NDUFAF6: variants seen among roughly 807,000 people sequenced by gnomAD.
NDUFAF6 encodes NADH:ubiquinone oxidoreductase complex assembly factor 6, also known as NADH dehydrogenase (ubiquinone) complex I, assembly factor 6.
NDUFAF6 carries 45 observed loss-of-function variants against 40.8 expected under a neutral mutation model. The observed-to-expected ratio is 1.10, with a 90% CI of 0.87 to 1.42. The LOEUF (loss-of-function observed/expected upper bound fraction) is 1.42. Ranked by LOEUF, NDUFAF6 falls within the 40% of genes most tolerant of loss-of-function variation. The pLI, the probability that NDUFAF6 is intolerant of heterozygous loss-of-function variation, is 0.00. For synonymous variants in NDUFAF6, 185 were observed against 155.9 expected (o/e 1.19, Z -1.39); for missense variants, 435 against 418.5 (o/e 1.04, Z -0.34).
At chr8:94,961,863 C>G (rs1823603784) in intron 1 of NDUFAF6, among the ~76,000 whole-genome samples, 1 of 152,184 alleles carries the variant, frequency 6.6e-6, no homozygotes, top group African/African-American at 2.4e-5. Flanking sequence ...TCATATTTTG[C>G]TATGATTCTC....
At chr8:95,109,852 A>T (rs1809947741) in intron 4 of NDUFAF6, among the ~76,000 whole-genome samples, 1 of 152,224 alleles carries the variant, frequency 6.6e-6, no homozygotes. Flanking sequence ...GAGATCATGC[A>T]GGTGAGTCTG....
intron 9 of NDUFAF6, chr8:95,075,521 C>G (rs1408909034): frequency 3.9e-6 from 3 of 775,554 alleles, no homozygotes; most frequent in South Asian, 1.5e-5. Context: ...CTTTTTGGAG[C>G]TGGGATTTTA....
intron 1 of NDUFAF6, among the ~76,000 whole-genome samples, chr8:94,923,681 C>CT (rs34801186): frequency 0.014 from 1,935 of 139,874 alleles, 18 homozygotes; most frequent in Middle Eastern, 0.026. Context: ...CTGAATTTTA[C>CT]TTTTTTTTTT....
At chr8:94,956,362 C>G (rs988030723), upstream of NDUFAF6, among the ~76,000 whole-genome samples, 2 of 152,140 alleles carry the variant, frequency 1.3e-5, no homozygotes, top group South Asian at 2.1e-4. Context: ...AAGGGGCAAG[C>G]AAGCTCTGTG....
chr8:95,048,525 C>T lies in NDUFAF6; in HGVS notation c.783C>T (p.Asp261=), dbSNP rs1199329217. 5.0e-6 allele frequency: 8 copies of T among 1,614,122 alleles called. No homozygotes were observed. The highest frequency in any genetic ancestry group is 6.8e-6 in the Non-Finnish European group (8 of 1,179,982). The change falls in exon 7 of 9, where the codon GAC becomes GAT. Residue 261 remains aspartate (D), a synonymous_variant. Coordinates refer to ENST00000396124, the MANE Select transcript of NDUFAF6 (RefSeq NM_152416.4). ...QDKNVRDVIY[D]IASQAHLHLK... ...AAAATGTGAGAGATGTAATATATGA[C>T]ATTGCCAGTCAAGCACACTTGCACC... is the stretch of plus-strand genomic sequence containing the variant.
chr8:94,927,097 A>C (rs1221990664), intron 1 of NDUFAF6: 2 of 152,614 alleles, frequency 1.3e-5, no homozygotes, highest in East Asian at 3.8e-4. Flanking sequence ...GACTCAAAAA[A>C]TGAAAACTAA....
Position 94,905,205 on chromosome 8 carries a change from A to C in NDUFAF6, c.-936+9278A>C, listed in dbSNP as rs146834042. 4.8e-3 allele frequency among the ~76,000 whole-genome samples: 724 copies of C among 152,134 alleles called. 2 individuals are homozygous for C. The highest frequency in any genetic ancestry group is 0.016 in the African/African-American group (664 of 41,498). On this transcript the variant is annotated intron_variant, in intron 1 of 14. Transcript: ENST00000396113. Reference sequence around the variant, plus strand: ...GGGGAGACTATGTCTCAAGAAAAAAAAATTTTTTTCTTCTTCTTTGTGGCA... The same window carrying C: ...GGGGAGACTATGTCTCAAGAAAAAACAATTTTTTTCTTCTTCTTTGTGGCA...
intron 2 of NDUFAF6, among the ~76,000 whole-genome samples, chr8:95,084,672 A>G (rs1266733402): frequency 6.6e-6 from 1 of 152,188 alleles, no homozygotes; most frequent in Non-Finnish European, 1.5e-5. Context: ...AGGTAATTGG[A>G]CTCAAACATG....
At chr8:95,004,349 CTT>C (rs11422482) in intron 2 of NDUFAF6, among the ~76,000 whole-genome samples, 4 of 92,438 alleles carry the variant, frequency 4.3e-5, no homozygotes, top group Non-Finnish European at 5.8e-5. Flanking sequence ...CTCACCATTA[CTT>C]TTTTTTTTTT....
At chr8:95,071,403 G>GA (rs10583999) in intron 9 of NDUFAF6, among the ~76,000 whole-genome samples, 16,910 of 105,458 alleles carry the variant, frequency 0.16, 1,595 homozygotes, top group Middle Eastern at 0.27. Context: ...GTCTCCAAAA[G>GA]AAAAAAAAAA....
intron 7 of NDUFAF6, among the ~76,000 whole-genome samples, 189 bp downstream of exon 7, chr8:95,048,747 C>T (rs567369767): frequency 5.3e-5 from 8 of 152,302 alleles, no homozygotes; most frequent in African/African-American, 1.7e-4. Context: ...CCCCACCTCA[C>T]AGCATATGAA....
intron 1 of NDUFAF6, among the ~76,000 whole-genome samples, chr8:94,966,416 A>T (rs572273323): frequency 6.6e-6 from 1 of 152,230 alleles, no homozygotes; most frequent in Admixed American, 6.5e-5. Flanking sequence ...CTACATGGTG[A>T]AACTTCATCT....
intron 1 of NDUFAF6, chr8:94,929,157 C>G (rs1192243322): frequency 1.3e-5 from 2 of 152,588 alleles, no homozygotes; most frequent in Non-Finnish European, 2.9e-5. Context: ...ACAGCTGTGG[C>G]AGAGAAAGTG....
chr8:94,936,460 C>T (rs778746808), intron 1 of NDUFAF6, among the ~76,000 whole-genome samples: 7 of 152,114 alleles, frequency 4.6e-5, no homozygotes, highest in Non-Finnish European at 8.8e-5. Context: ...GCAGTTCCAA[C>T]GTGAACAGAC....
At chr8:95,113,938 C>T (rs297557) in intron 4 of NDUFAF6, among the ~76,000 whole-genome samples, 125,866 of 148,578 alleles carry the variant, frequency 0.85, 53,800 homozygotes, top group East Asian at 1. Flanking sequence ...TTCTCACTCA[C>T]AGGTGGGAAT....
intron 1 of NDUFAF6, among the ~76,000 whole-genome samples, chr8:94,904,467 C>T (rs977684489): frequency 5.3e-5 from 8 of 151,070 alleles, no homozygotes; most frequent in Non-Finnish European, 8.8e-5. Flanking sequence ...TGAGCCACCG[C>T]GCCTGGCCTG....
At chr8:95,045,761 A>C (rs566450770) in intron 5 of NDUFAF6, 114 bp downstream of exon 5, 4 of 755,070 alleles carry the variant, frequency 5.3e-6, no homozygotes, top group Non-Finnish European at 9.0e-6. Context: ...CCTTTATACT[A>C]TCTGTAAAGG....
chr8:94,997,296 A>G (rs1826477615), intron 2 of NDUFAF6, among the ~76,000 whole-genome samples: 1 of 77,752 alleles, frequency 1.3e-5, no homozygotes, highest in Non-Finnish European at 2.4e-5. Flanking sequence ...AAAGACACAC[A>G]CACACACACA....
chr8:94,958,869 G>A (rs754458221), intron 1 of NDUFAF6, among the ~76,000 whole-genome samples: 1 of 152,108 alleles, frequency 6.6e-6, no homozygotes, highest in Non-Finnish European at 1.5e-5. Flanking sequence ...AATTTGCGAG[G>A]CACACAATTC....
Sources: gnomAD v4.1 joint callset for allele counts (sites outside exome capture counted in the v4.1 genomes callset) on GRCh38, gnomAD v4.1.1 for gene constraint, MANE v1.5 for transcripts, NCBI Gene and HGNC (gene_info 2026-07-23, HGNC 2026-07-21) for gene names.